Variants in NRG1 observed in about 807,000 individuals in gnomAD.
NRG1 encodes the protein neuregulin 1, also known as pro-neuregulin-1, membrane-bound isoform.
A neutral mutation model predicts 63.8 loss-of-function variants in NRG1; 18 were observed. The ratio of observed to expected loss-of-function variants is 0.28; its 90% CI spans 0.19 to 0.42. The LOEUF (loss-of-function observed/expected upper bound fraction) is 0.42. Among genes scored for constraint, NRG1 ranks in the 10% least tolerant of loss-of-function variants. The pLI, the probability that NRG1 is intolerant of heterozygous loss-of-function variation, is 1.00. For missense variants in NRG1, 762 were observed against 814.7 expected (o/e 0.94, Z 0.79); for synonymous variants, 302 against 301.3 (o/e 1.00, Z -0.02).
chr8:32,671,996 C>G (rs1005328277), intron 5 of NRG1, among the ~76,000 whole-genome samples: 1 of 151,770 alleles, frequency 6.6e-6, no homozygotes, highest in Non-Finnish European at 1.5e-5. Context: ...CCTCTGCTTG[C>G]CTGGAAACTA....
At chr8:31,967,191 A>G (rs1163274694) in intron 1 of NRG1, among the ~76,000 whole-genome samples, 1 of 152,186 alleles carries the variant, frequency 6.6e-6, no homozygotes, top group Admixed American at 6.5e-5. Context: ...GGATGTAACT[A>G]GTGGGCAAAT....
At chr8:32,579,241 A>G (rs1840224540) in intron 1 of NRG1, among the ~76,000 whole-genome samples, 1 of 135,698 alleles carries the variant, frequency 7.4e-6, no homozygotes, top group Non-Finnish European at 1.5e-5. Context: ...ACTGGGATGC[A>G]AGCATTCATA....
chr8:32,477,433 A>G (rs1265100286), intron 1 of NRG1, among the ~76,000 whole-genome samples: 2 of 152,210 alleles, frequency 1.3e-5, no homozygotes, highest in African/African-American at 4.8e-5. Context: ...TTTCTCCTCA[A>G]AAGTAAAACA....
intron 1 of NRG1, among the ~76,000 whole-genome samples, chr8:32,056,977 G>A (rs1563734602): frequency 6.6e-6 from 1 of 152,172 alleles, no homozygotes; most frequent in Non-Finnish European, 1.5e-5. Flanking sequence ...TCTCCTGGAA[G>A]TATTTGTGAA....
At chr8:32,540,866 T>C (rs918497566) in intron 1 of NRG1, among the ~76,000 whole-genome samples, 1 of 151,818 alleles carries the variant, frequency 6.6e-6, no homozygotes, top group Non-Finnish European at 1.5e-5. Context: ...AAAAACAACA[T>C]TTTCCATAAG....
intron 1 of NRG1, among the ~76,000 whole-genome samples, chr8:32,023,171 G>A (rs1285019313): frequency 6.6e-6 from 1 of 152,140 alleles, no homozygotes; most frequent in African/African-American, 2.4e-5. Flanking sequence ...ACTGATTTTA[G>A]TTATGTAATG....
chr8:32,554,547 T>G (rs1405789200), intron 1 of NRG1, among the ~76,000 whole-genome samples: 5 of 152,248 alleles, frequency 3.3e-5, no homozygotes, highest in Admixed American at 6.5e-5. Flanking sequence ...TTCTCATCTT[T>G]CTTCTAAATT....
At chr8:32,097,093 A>G (rs1829995800) in intron 1 of NRG1, among the ~76,000 whole-genome samples, 1 of 152,162 alleles carries the variant, frequency 6.6e-6, no homozygotes, top group South Asian at 2.1e-4. Flanking sequence ...GAGAACATGC[A>G]ATATTTGTGC....
In NRG1 at chr8:32,414,606, A is replaced by G. The variant is rs190423991; in HGVS notation, c.38-181222A>G. On this transcript the variant is annotated intron_variant, in intron 1 of 10. Coordinates refer to the NRG1 transcript ENST00000519301. ...GAGACTATCCTGGTGGGAGTATTTT[A>G]CTTTTGAAACCAACTAAATCTGGTT... Among the ~76,000 whole-genome samples, 13 of 152,222 alleles carry G rather than the reference A, an allele frequency of 8.5e-5. No homozygotes were observed. The East Asian group carries it at 2.3e-3, about 27-fold the overall frequency.
intron 1 of NRG1, among the ~76,000 whole-genome samples, chr8:31,867,508 T>C (rs1053941779): frequency 6.6e-6 from 1 of 152,192 alleles, no homozygotes; most frequent in Non-Finnish European, 1.5e-5. Context: ...ATGAGTGGTT[T>C]AATCTGCATG....
intron 5 of NRG1, among the ~76,000 whole-genome samples, chr8:32,627,643 G>T (rs1423322769): frequency 6.6e-6 from 1 of 152,098 alleles, no homozygotes; most frequent in Admixed American, 6.5e-5. Context: ...CATTAAGTAA[G>T]ACTAGTTTTG....
At chr8:31,951,445 A>T (rs1803449022) in intron 1 of NRG1, among the ~76,000 whole-genome samples, 1 of 152,198 alleles carries the variant, frequency 6.6e-6, no homozygotes, top group South Asian at 2.1e-4. Flanking sequence ...TCCCTCCTCT[A>T]GGGAAAAAAA....
At chr8:32,452,027 C>A (rs1246992095) in intron 1 of NRG1, among the ~76,000 whole-genome samples, 5 of 152,128 alleles carry the variant, frequency 3.3e-5, no homozygotes, top group African/African-American at 1.2e-4. Context: ...GGAGTTTCAT[C>A]ATGTTGGCCA....
At chr8:32,420,588 G>T (rs1429619828) in intron 1 of NRG1, among the ~76,000 whole-genome samples, 1 of 149,212 alleles carries the variant, frequency 6.7e-6, no homozygotes, top group Non-Finnish European at 1.5e-5. Flanking sequence ...AATATTTCAT[G>T]ATTGGATACA....
chr8:31,680,474 T>TC (rs1367727874), intron 1 of NRG1, among the ~76,000 whole-genome samples: 7 of 151,894 alleles, frequency 4.6e-5, no homozygotes, highest in African/African-American at 1.2e-4. Flanking sequence ...CATGAACTCA[T>TC]CATTTTTATG....
At chr8:32,763,930 C>T in exon 12 of NRG1, 2 of 1,613,994 alleles carry the variant, frequency 1.2e-6, no homozygotes, top group Non-Finnish European at 1.7e-6. Context: ...GTGACACCAC[C>T]AAGGCTGCGG....
At chr8:32,476,573 T>C (rs539515628) in intron 1 of NRG1, among the ~76,000 whole-genome samples, 1 of 152,330 alleles carries the variant, frequency 6.6e-6, no homozygotes, top group African/African-American at 2.4e-5. Context: ...CCAGAGGGTT[T>C]ATAAGACATT....
At chr8:32,152,087 G>A (rs1305528129) in intron 1 of NRG1, among the ~76,000 whole-genome samples, 5 of 152,168 alleles carry the variant, frequency 3.3e-5, no homozygotes, top group African/African-American at 7.2e-5. Context: ...TTAAATAATT[G>A]TTTCTGCCTT....
chr8:31,898,278 T>G (rs1457642139), intron 1 of NRG1, among the ~76,000 whole-genome samples: 1 of 152,146 alleles, frequency 6.6e-6, no homozygotes, highest in Non-Finnish European at 1.5e-5. Context: ...CTTCAAATAT[T>G]AAGAGTTTGA....
Sources: allele counts gnomAD v4.1 joint callset (sites outside exome capture counted in the v4.1 genomes callset), GRCh38; gene constraint gnomAD v4.1.1; transcripts MANE v1.5; gene names NCBI Gene and HGNC (gene_info 2026-07-23, HGNC 2026-07-21).